Variants in LTBP2 observed in about 807,000 individuals in gnomAD.
LTBP2 encodes the protein latent-transforming growth factor beta-binding protein 2.
A neutral mutation model predicts 210.6 loss-of-function variants in LTBP2; 103 were observed. The ratio of observed to expected loss-of-function variants is 0.49; its 90% confidence interval spans 0.42 to 0.58. LTBP2 has a LOEUF of 0.58. Among genes scored for constraint, LTBP2 ranks in the 20% least tolerant of loss-of-function variants. The pLI, the probability that LTBP2 is intolerant of heterozygous loss-of-function variation, is 0.00. For missense variants in LTBP2, 2,313 were observed against 2,494.5 expected (o/e 0.93, Z 1.55); for synonymous variants, 1,007 against 1,015.0 (o/e 0.99, Z 0.15).
At position 74,612,012 on chromosome 14, in the gene LTBP2, G is replaced by C; in HGVS notation, c.-68C>G. The stretch of plus-strand genomic sequence containing the variant: ...GAGCTTTGTGGTCGGCACGCTGGAC[G>C]CCCGCGGGCTGTTCTCCCGGCCCCG... On this transcript the variant is annotated 5_prime_UTR_variant, in exon 1 of 36. Coordinates refer to ENST00000261978, the MANE Select transcript of LTBP2 (RefSeq NM_000428.3). 7.1e-7 allele frequency: 1 copy of C among 1,415,406 alleles called. No homozygotes were observed. The allele number at this position is 1,415,406 out of a possible 1,614,324, so 87.7% of individuals were successfully genotyped here.
intron 4 of LTBP2, among the ~76,000 whole-genome samples, chr14:74,555,126 G>A (rs1010212624): frequency 1.3e-5 from 2 of 152,164 alleles, no homozygotes; most frequent in African/African-American, 4.8e-5. Context: ...AGCTGTAGGT[G>A]CTGAGGTAAC....
At chr14:74,517,012 G>C in intron 17 of LTBP2, 71 bp from the exon 18 acceptor site, 3 of 1,532,694 alleles carry the variant, frequency 2.0e-6, no homozygotes, top group Non-Finnish European at 2.6e-6. Flanking sequence ...GGGTCCTGGA[G>C]CATTCCTTCT....
rs117345653 is a variant in LTBP2, at chr14:74,609,879, G to A, written c.494+1572C>T. Reference sequence around the variant, plus strand: ...CCATCCCCTTTCCCATGCTCTGCACGCAGGATCCTTGGAAGCATGCATTCA... The same window carrying A: ...CCATCCCCTTTCCCATGCTCTGCACACAGGATCCTTGGAAGCATGCATTCA... On this transcript the variant is annotated intron_variant, in intron 1 of 35. Coordinates refer to ENST00000261978, the MANE Select transcript of LTBP2 (RefSeq NM_000428.3). Among the ~76,000 whole-genome samples the A allele has an allele frequency of 3.8e-4, 58 of 152,362 alleles. No homozygotes were observed. The East Asian group carries it at 7.3e-3, about 19-fold the overall frequency.
intron 1 of LTBP2, among the ~76,000 whole-genome samples, chr14:74,608,617 C>T (rs1009419979): frequency 1.3e-5 from 2 of 149,000 alleles, no homozygotes; most frequent in East Asian, 2.0e-4. Context: ...GGCTGAGGCA[C>T]GAGAATTGCT....
chr14:74,535,297 C>T (rs1290701750), intron 9 of LTBP2, among the ~76,000 whole-genome samples: 1 of 152,172 alleles, frequency 6.6e-6, no homozygotes, highest in Non-Finnish European at 1.5e-5. Context: ...AATCCCCTGT[C>T]TCTGACCCAG....
intron 10 of LTBP2, among the ~76,000 whole-genome samples, chr14:74,531,043 T>C (rs555671167): frequency 1.3e-3 from 194 of 152,264 alleles, no homozygotes; most frequent in African/African-American, 4.5e-3. Context: ...GCCACTTCCA[T>C]TGGGACACTG....
chr14:74,570,513 A>G lies in LTBP2; in HGVS notation c.831-14820T>C, dbSNP rs376093157. ...GGGGCTGGAAATTTACCCCGGGGCC[A>G]TAAACAAAAGGAGATTTCTATGGGA... On this transcript the variant is annotated intron_variant, in intron 3 of 35. Transcript: ENST00000261978. 3.3e-3 allele frequency among the ~76,000 whole-genome samples: 510 copies of G among 152,362 alleles called. 14 individuals carry two copies. The South Asian group carries it at 0.077, about 23-fold the overall frequency.
chr14:74,518,663 CCATTTGTTTAAGGACAGTG>C (rs1297777143), intron 17 of LTBP2, among the ~76,000 whole-genome samples: 2 of 152,198 alleles, frequency 1.3e-5, no homozygotes, highest in East Asian at 3.8e-4. Flanking sequence ...TGAATAATAA[CCATTTGTTTAAGGACAGTG>C]TCTTCACTTG....
At chr14:74,571,298 C>T (rs1349109782) in intron 3 of LTBP2, among the ~76,000 whole-genome samples, 4 of 152,218 alleles carry the variant, frequency 2.6e-5, no homozygotes, top group African/African-American at 9.7e-5. Flanking sequence ...CATGCCACTG[C>T]ACTCCAGCCT....
chr14:74,610,126 G>A (rs1012814434), intron 1 of LTBP2, among the ~76,000 whole-genome samples: 12 of 152,224 alleles, frequency 7.9e-5, no homozygotes, highest in Non-Finnish European at 1.3e-4. Context: ...AAGAGACACA[G>A]AAATGGACAC....
intron 24 of LTBP2, 61 bp downstream of exon 24, chr14:74,508,543 A>C: frequency 6.4e-7 from 1 of 1,572,092 alleles, no homozygotes; most frequent in Non-Finnish European, 8.6e-7. Context: ...TGACCAGTAG[A>C]GGTAGCTGTG....
At position 74,553,004 on chromosome 14, in the gene LTBP2, G is replaced by A; in HGVS notation, c.1080C>T (p.Cys360=). The A allele has an allele frequency of 1.2e-6, 2 of 1,614,212 alleles. No homozygotes were observed. The highest frequency in any genetic ancestry group is 1.7e-6 in the Non-Finnish European group (2 of 1,180,020). The change falls in exon 5 of 36, where the codon TGC becomes TGT. Residue 360 remains cysteine (C), a synonymous_variant. Transcript: ENST00000261978. The part of the protein sequence containing the change: ...KIKIVFTPTI[C]KQTCARGHCA... ...AGTGTCCACGGGCACAGGTCTGCTT[G>A]CAGATGGTGGGAGTGAAGACGATCT...
intron 8 of LTBP2, among the ~76,000 whole-genome samples, chr14:74,541,856 G>C (rs1198203122): frequency 6.6e-6 from 1 of 152,160 alleles, no homozygotes; most frequent in Non-Finnish European, 1.5e-5. Flanking sequence ...CAAAGTGCCG[G>C]GCAGAACTGA....
chr14:74,578,333 T>G (rs1435273044), intron 3 of LTBP2, among the ~76,000 whole-genome samples: 2 of 152,210 alleles, frequency 1.3e-5, no homozygotes, highest in Non-Finnish European at 2.9e-5. Flanking sequence ...CGTGCTACAT[T>G]ATTTCAGTAA....
intron 8 of LTBP2, among the ~76,000 whole-genome samples, chr14:74,544,934 C>T (rs1289111884): frequency 2.6e-5 from 4 of 152,182 alleles, no homozygotes; most frequent in Non-Finnish European, 4.4e-5. Flanking sequence ...TTGAGAACCA[C>T]GTGGGGGAAA....
In LTBP2 at chr14:74,544,089, A is replaced by G. The variant is rs1191911486; in HGVS notation, c.1789+5774T>C. On this transcript the variant is annotated intron_variant, in intron 8 of 35. Transcript: ENST00000261978. The stretch of plus-strand genomic sequence containing the variant: ...CACAATTCATTCCCAGCAGGCTTCA[A>G]GTCCCTTGGAAGAAGCTCTCAGAAC... Among the ~76,000 whole-genome samples, 5 of 152,206 alleles carry G rather than the reference A, an allele frequency of 3.3e-5. No homozygotes were observed. In the East Asian group the frequency reaches 9.6e-4, roughly 29 times the overall value.
chr14:74,554,349 A>G (rs111850609), intron 4 of LTBP2, among the ~76,000 whole-genome samples: 6,345 of 152,146 alleles, frequency 0.042, 462 homozygotes, highest in African/African-American at 0.15. Context: ...ACATTTAAAA[A>G]TTAGCTGGGC....
intron 1 of LTBP2, among the ~76,000 whole-genome samples, chr14:74,604,048 A>G (rs888429537): frequency 5.9e-5 from 9 of 152,008 alleles, no homozygotes; most frequent in African/African-American, 1.9e-4. Flanking sequence ...CTAATAAGCC[A>G]CTTCAGAGAG....
At chr14:74,553,923 C>CGTGTGTGTGTGTGTGTGT (rs34143485) in intron 4 of LTBP2, among the ~76,000 whole-genome samples, 28 of 130,640 alleles carry the variant, frequency 2.1e-4, no homozygotes, top group Middle Eastern at 3.8e-3. Context: ...AGCGGAGAAA[C>CGTGTGTGTGTGTGTGTGT]GTGTGTGTGT....
Sources: allele counts gnomAD v4.1 joint callset (sites outside exome capture counted in the v4.1 genomes callset), GRCh38; gene constraint gnomAD v4.1.1; transcripts MANE v1.5; gene names NCBI Gene and HGNC (gene_info 2026-07-23, HGNC 2026-07-21).